The following CLK3 variants were observed in gnomAD, a reference collection of about 807,000 sequenced individuals.
The protein encoded by CLK3 is dual specificity protein kinase CLK3.
CLK3 carries 24 observed loss-of-function variants against 65.2 expected under a neutral mutation model. The observed-to-expected ratio is 0.37, with a 90% CI of 0.27 to 0.52. The LOEUF (loss-of-function observed/expected upper bound fraction) is 0.52, where lower values mean the gene tolerates loss of function less well. Ranked by LOEUF, CLK3 falls within the 20% of genes least tolerant of loss-of-function variation. CLK3 has a pLI of 0.92. For missense variants in CLK3, 506 were observed against 660.0 expected, an observed-to-expected ratio of 0.77 and a Z score of 2.56; for synonymous variants, 252 against 240.8, an observed-to-expected ratio of 1.05 and a Z score of -0.43.
At position 74,619,248 on chromosome 15, in the gene CLK3, T is replaced by C; in HGVS notation, c.52T>C (p.Tyr18His). The C allele has an allele frequency of 5.6e-6, 9 of 1,614,116 alleles. No homozygotes were observed. Among genetic ancestry groups the C allele is most frequent in the Non-Finnish European group, 7.6e-6 (9 of 1,180,008 alleles). ...RSPEPDPYLSYRWKRRRSYSR... is the reference protein window; with the variant it reads ...RSPEPDPYLSHRWKRRRSYSR... The stretch of plus-strand genomic sequence containing the variant: ...CCCTGAACCAGACCCGTACCTGAGC[T>C]ACCGATGGAAGAGGAGGAGGTCCTA... Residue 18 changes from tyrosine (Y) to histidine (H), a missense_variant, in exon 2 of 13, where the codon TAC (tyrosine) becomes CAC (histidine). Transcript: ENST00000395066.
intron 10 of CLK3, 146 bp downstream of exon 10, chr15:74,628,198 G>A (rs1416820842): frequency 1.5e-5 from 10 of 663,562 alleles, no homozygotes; most frequent in African/African-American, 3.6e-5. Context: ...GACCCTTTAA[G>A]GATGTAGATG....
At chr15:74,620,437 T>C in intron 3 of CLK3, 1 of 683,496 alleles carries the variant, frequency 1.5e-6, no homozygotes, top group South Asian at 1.9e-5. Flanking sequence ...CAGTGGCAAC[T>C]GTAGGAACTC....
chr15:74,617,907 AT>A (rs1262739759), intron 1 of CLK3, among the ~76,000 whole-genome samples: 1 of 152,218 alleles, frequency 6.6e-6, no homozygotes. Flanking sequence ...TGGGGAGGTG[AT>A]TTCACAAAAT....
chr15:74,617,130 A>T (rs2062066843), intron 1 of CLK3, among the ~76,000 whole-genome samples: 2 of 152,008 alleles, frequency 1.3e-5, no homozygotes. Flanking sequence ...GTACCTTATA[A>T]CTCTCATGCT....
At chr15:74,612,715 A>C (rs900896657), upstream of CLK3, among the ~76,000 whole-genome samples, 1 of 152,062 alleles carries the variant, frequency 6.6e-6, no homozygotes, top group Admixed American at 6.5e-5. Flanking sequence ...AGGCTCCTGC[A>C]GCCCCCTCCA....
chr15:74,627,408 G>C lies in CLK3; in HGVS notation c.874G>C (p.Val292Leu). The C allele has an allele frequency of 6.2e-7, 1 of 1,614,208 alleles. No homozygotes were observed. The highest frequency in any genetic ancestry group is 8.5e-7 in the Non-Finnish European group (1 of 1,180,028). Residue 292 changes from valine (V) to leucine (L), a missense_variant, in exon 8 of 13, where the codon GTG becomes CTG. Transcript: ENST00000395066. This position sits in a 1 kb window ranked among gnomAD's most constrained non-coding sequence, Gnocchi z 4.3. ...TDLKPENILF[V>L]NSEFETLYNE... ...CTTGAAACCAGAGAACATCCTGTTT[G>C]TGAATTCTGAGTTTGAAACCCTCTA...
chr15:74,626,529 C>CTG (rs1168119732), intron 7 of CLK3, among the ~76,000 whole-genome samples: 3 of 152,244 alleles, frequency 2.0e-5, no homozygotes, highest in African/African-American at 7.2e-5. Flanking sequence ...AGCACTGCTA[C>CTG]TGTGATAGGC....
At position 74,624,870 on chromosome 15, in the gene CLK3, A is replaced by C; in HGVS notation, c.534-32A>C. On this transcript the variant is annotated intron_variant, in intron 5 of 12. Coordinates refer to ENST00000395066, the MANE Select transcript of CLK3 (RefSeq NM_001130028.2). The surrounding 1 kb of genome is among the most constrained non-coding windows in gnomAD (Gnocchi z 4.2). ...TTGGGGAAGGACTGGGCAGCTGCTG[A>C]TGAGAACCTCTGTTTCCTTCCCGGG... 1 of 1,528,866 alleles carries C rather than the reference A, an allele frequency of 6.5e-7. No individual in the cohort carries two copies. Among genetic ancestry groups the C allele is most frequent in the Non-Finnish European group, 9.0e-7 (1 of 1,113,242 alleles). The allele number at this position is 1,528,866 out of a possible 1,614,324, so 94.7% of individuals were successfully genotyped here.
chr15:74,619,775 T>G (rs567716066), intron 2 of CLK3, among the ~76,000 whole-genome samples: 67 of 152,146 alleles, frequency 4.4e-4, no homozygotes, highest in Non-Finnish European at 5.0e-4. Context: ...TCTACCATAC[T>G]CCCCTTCCCC....
In CLK3 at chr15:74,628,062, C is replaced by G. The variant is rs932892847; in HGVS notation, c.1125+10C>G. The G allele has an allele frequency of 2.5e-6, 4 of 1,592,072 alleles. No homozygotes were observed. In the African/African-American group the frequency reaches 5.4e-5, roughly 21 times the overall value. ...CTTCACACTCTTCCAGGTACAGCCA[C>G]CCTGCATTGGTCCCCTACCCTGAGT... On this transcript the variant is annotated intron_variant, in intron 10 of 12. Coordinates refer to ENST00000395066, the MANE Select transcript of CLK3 (RefSeq NM_001130028.2).
At position 74,627,139 on chromosome 15, in the gene CLK3, C is replaced by T; in HGVS notation, c.818-213C>T. 7.4e-6 allele frequency: 5 copies of T among 673,258 alleles called. No homozygotes were observed. The highest frequency in any genetic ancestry group is 1.5e-5 in the South Asian group (1 of 68,958). 41.7% of individuals were successfully genotyped at this position (673,258 alleles called of 1,614,324 possible). On this transcript the variant is annotated intron_variant, in intron 7 of 12. Coordinates refer to ENST00000395066, the MANE Select transcript of CLK3 (RefSeq NM_001130028.2). This position sits in a 1 kb window ranked among gnomAD's most constrained non-coding sequence, Gnocchi z 4.3. ...GAATGGCAAATTTCTTTCCTACCCC[C>T]CTGCTAAAGTATCAGAACCCTCCAA...
intron 2 of CLK3, 161 bp from the exon 3 acceptor site, chr15:74,619,848 A>T: frequency 8.5e-7 from 1 of 1,175,136 alleles, no homozygotes; most frequent in Non-Finnish European, 1.2e-6. Flanking sequence ...GGGCGGGCTT[A>T]GTACCTTTGC....
At chr15:74,618,534 A>G (rs536420630) in intron 1 of CLK3, among the ~76,000 whole-genome samples, 6 of 152,272 alleles carry the variant, frequency 3.9e-5, no homozygotes, top group Admixed American at 3.3e-4. Context: ...AGAAAGTTAG[A>G]TGCGCTGGGT....
chr15:74,629,401 C>T (rs1156836725), intron 12 of CLK3: 1 of 535,626 alleles, frequency 1.9e-6, no homozygotes, highest in Non-Finnish European at 3.4e-6. Flanking sequence ...CTGTCAACTG[C>T]ATTTGGTGCT....
intron 7 of CLK3, 60 bp downstream of exon 7, chr15:74,626,028 G>A (rs764874365): frequency 1.3e-4 from 205 of 1,562,680 alleles, no homozygotes; most frequent in Admixed American, 5.7e-4. Context: ...AAGTCATCTG[G>A]TTACTTGTTG....
intron 1 of CLK3, 60 bp from the exon 2 acceptor site, chr15:74,619,137 C>T (rs2062082185): frequency 1.3e-6 from 2 of 1,597,218 alleles, no homozygotes; most frequent in Admixed American, 1.7e-5. Context: ...CCCCAGCAGC[C>T]CCATGGCTGG....
intron 1 of CLK3, among the ~76,000 whole-genome samples, chr15:74,617,790 G>T (rs1471227690): frequency 6.6e-6 from 1 of 152,246 alleles, no homozygotes; most frequent in Admixed American, 6.5e-5. Context: ...TTAGTGGGGT[G>T]TGAGTTCCTG....
Position 74,615,887 on chromosome 15 carries a change from G to C in CLK3, c.-12G>C, listed in dbSNP as rs573556981. On this transcript the variant is annotated 5_prime_UTR_variant, in exon 1 of 13. Transcript: ENST00000395066. Reference sequence around the variant, plus strand: ...GGAGTGGGGCCTAGCTGCAGCCGGAGCCTGGGAGACGGTAAGTGTGGGCTG... The same window carrying C: ...GGAGTGGGGCCTAGCTGCAGCCGGACCCTGGGAGACGGTAAGTGTGGGCTG... 4.0e-6 allele frequency: 5 copies of C among 1,254,164 alleles called. No individual in the cohort carries two copies. The East Asian group carries it at 1.5e-4, about 38-fold the overall frequency. 77.7% of individuals were successfully genotyped at this position (1,254,164 alleles called of 1,614,324 possible).
chr15:74,622,722 C>T lies in CLK3; in HGVS notation c.533+162C>T, dbSNP rs983246017. ...CCTGTCCATGTTGGGGTTTTGCTGA[C>T]CCCCTGTAATAAGGGAGAAATTCTT... On this transcript the variant is annotated intron_variant, in intron 5 of 12. Transcript: ENST00000395066. This position sits in a 1 kb window ranked among gnomAD's most constrained non-coding sequence, Gnocchi z 4.6. 1.3e-5 allele frequency among the ~76,000 whole-genome samples: 2 copies of T among 152,138 alleles called. No individual in the cohort carries two copies. The highest frequency in any genetic ancestry group is 4.8e-5 in the African/African-American group (2 of 41,408).
Sources: gnomAD v4.1 joint callset for allele counts (sites outside exome capture counted in the v4.1 genomes callset) on GRCh38, gnomAD v4.1.1 for gene constraint, Gnocchi (gnomAD v3.1) non-coding constraint, MANE v1.5 for transcripts, NCBI Gene and HGNC (gene_info 2026-07-23, HGNC 2026-07-21) for gene names.